AFG2A: variants seen among roughly 807,000 people sequenced by gnomAD.
AFG2A encodes AAA ATPase AFG2A.
At chr4:123,292,798 CATA>C in the AFG2A span, among the ~76,000 whole-genome samples, 1 of 152,068 alleles carries the variant, frequency 6.6e-6, no homozygotes, top group African/African-American at 2.4e-5. Context: ...GTTTTTTTCC[CATA>C]ATATTTTTCA....
At chr4:123,128,653 A>G in the AFG2A span, among the ~76,000 whole-genome samples, 2 of 152,142 alleles carry the variant, frequency 1.3e-5, no homozygotes, top group African/African-American at 4.8e-5. Context: ...ATTTTTATAT[A>G]CTTAATTATT....
the AFG2A span, among the ~76,000 whole-genome samples, chr4:123,073,133 T>A: frequency 1.3e-5 from 2 of 152,116 alleles, no homozygotes; most frequent in African/African-American, 4.8e-5. Flanking sequence ...ATGCTGTATA[T>A]CAAACTTTTT....
chr4:123,121,105 C>A, the AFG2A span, among the ~76,000 whole-genome samples: 1 of 150,630 alleles, frequency 6.6e-6, no homozygotes, highest in African/African-American at 2.4e-5. Context: ...TCGTTTTTAG[C>A]AAAAAAGTTT....
the AFG2A span, chr4:123,314,069 A>G: frequency 6.6e-7 from 1 of 1,517,610 alleles, no homozygotes; most frequent in Non-Finnish European, 8.8e-7. Flanking sequence ...CTCTGAGAAA[A>G]TATATATATT....
the AFG2A span, among the ~76,000 whole-genome samples, chr4:123,285,294 C>T: frequency 1.3e-5 from 2 of 152,144 alleles, no homozygotes; most frequent in East Asian, 1.9e-4. Flanking sequence ...TCTACTTCTT[C>T]CTGTCTTTTA....
the AFG2A span, among the ~76,000 whole-genome samples, chr4:123,310,558 A>G: frequency 6.6e-6 from 1 of 152,122 alleles, no homozygotes; most frequent in African/African-American, 2.4e-5. Context: ...CCTCCCTGAA[A>G]GTACTTCTAA....
At chr4:122,946,058 G>A in the AFG2A span, among the ~76,000 whole-genome samples, 3 of 152,174 alleles carry the variant, frequency 2.0e-5, no homozygotes. Flanking sequence ...AGATGATAGA[G>A]TTGTGAGGAC....
the AFG2A span, among the ~76,000 whole-genome samples, chr4:122,974,590 G>A: frequency 2.1e-4 from 32 of 152,254 alleles, no homozygotes; most frequent in Non-Finnish European, 3.8e-4. Context: ...GCTGCCCAGC[G>A]TTGCAAGAAA....
At chr4:123,137,664 G>A in the AFG2A span, among the ~76,000 whole-genome samples, 1 of 152,104 alleles carries the variant, frequency 6.6e-6, no homozygotes, top group Non-Finnish European at 1.5e-5. Flanking sequence ...GTTTCTTAAA[G>A]TTGTGTTTAT....
the AFG2A span, among the ~76,000 whole-genome samples, chr4:122,994,938 A>G: frequency 0.012 from 1,831 of 152,224 alleles, 39 homozygotes; most frequent in African/African-American, 0.041. Context: ...TTTAAAATTT[A>G]CTACTATATT....
the AFG2A span, among the ~76,000 whole-genome samples, chr4:123,006,600 A>G: frequency 6.6e-6 from 1 of 152,148 alleles, no homozygotes; most frequent in East Asian, 1.9e-4. Context: ...ACCAGTTCAC[A>G]GCCTTTTTCC....
At chr4:123,239,528 T>C in the AFG2A span, among the ~76,000 whole-genome samples, 1 of 152,268 alleles carries the variant, frequency 6.6e-6, no homozygotes, top group African/African-American at 2.4e-5. Context: ...GGGTCAAGAT[T>C]CAACATTCTT....
the AFG2A span, among the ~76,000 whole-genome samples, chr4:123,146,021 A>T: frequency 1.3e-5 from 2 of 152,004 alleles, no homozygotes; most frequent in Non-Finnish European, 2.9e-5. Flanking sequence ...AACACATGTG[A>T]TAAATGCCAA....
the AFG2A span, among the ~76,000 whole-genome samples, chr4:123,033,368 A>T: frequency 6.6e-6 from 1 of 152,180 alleles, no homozygotes. Context: ...AAAAAATAGA[A>T]CTAGTGTCCA....
the AFG2A span, among the ~76,000 whole-genome samples, chr4:123,264,465 T>C: frequency 6.6e-6 from 1 of 152,176 alleles, no homozygotes; most frequent in East Asian, 1.9e-4. Context: ...TAAGGTGGAT[T>C]ATATCCTCTG....
the AFG2A span, among the ~76,000 whole-genome samples, chr4:122,978,649 C>T: frequency 4.8e-4 from 73 of 152,274 alleles, no homozygotes; most frequent in African/African-American, 1.7e-3. Context: ...TCAATCATGT[C>T]GTCCATGGTG....
chr4:123,084,586 A>G, the AFG2A span, among the ~76,000 whole-genome samples: 1 of 111,644 alleles, frequency 9.0e-6, no homozygotes, highest in African/African-American at 2.9e-5. Context: ...AATAGTATAT[A>G]TATATGTGTG....
the AFG2A span, among the ~76,000 whole-genome samples, chr4:123,092,734 G>T: frequency 2.0e-5 from 3 of 152,144 alleles, no homozygotes; most frequent in African/African-American, 7.2e-5. Flanking sequence ...TCACATGATT[G>T]TGGCACAGCT....
At chr4:123,279,512 G>A in the AFG2A span, among the ~76,000 whole-genome samples, 1 of 152,132 alleles carries the variant, frequency 6.6e-6, no homozygotes, top group African/African-American at 2.4e-5. Context: ...CTGAAATTAG[G>A]AAAAGGTAAA....
Sources: gnomAD v4.1 joint callset for allele counts (sites outside exome capture counted in the v4.1 genomes callset) on GRCh38, gnomAD v4.1.1 for gene constraint, MANE v1.5 for transcripts, NCBI Gene and HGNC (gene_info 2026-07-23, HGNC 2026-07-21) for gene names.